UPP2: variants seen among roughly 807,000 people sequenced by gnomAD.
The protein encoded by UPP2 is UPase 2.
In UPP2, 23 loss-of-function variants were observed where a neutral mutation model predicts 26.7. That is an observed-to-expected ratio of 0.86 (90% CI 0.62 to 1.22). The LOEUF (loss-of-function observed/expected upper bound fraction) is 1.22, where lower values mean the gene tolerates loss of function less well. Ranked by LOEUF, UPP2 falls within the 50% of genes most tolerant of loss-of-function variation. The pLI is 0.00. For missense variants in UPP2, 387 were observed against 396.7 expected, an observed-to-expected ratio of 0.98 and a Z score of 0.21; for synonymous variants, 127 against 141.3, an observed-to-expected ratio of 0.90 and a Z score of 0.72.
intron 3 of UPP2, among the ~76,000 whole-genome samples, chr2:158,026,811 T>C (rs1683839690): frequency 6.6e-6 from 1 of 152,130 alleles, no homozygotes; most frequent in Non-Finnish European, 1.5e-5. Flanking sequence ...TGGACTTACA[T>C]TTCCACATGG....
At chr2:158,023,430 G>A (rs562247407) in intron 3 of UPP2, among the ~76,000 whole-genome samples, 2 of 152,312 alleles carry the variant, frequency 1.3e-5, no homozygotes, top group African/African-American at 4.8e-5. Context: ...TTCTCATAAA[G>A]AGCCTCCTCT....
chr2:158,058,061 A>G (rs1200854545), intron 3 of UPP2, among the ~76,000 whole-genome samples: 1 of 152,146 alleles, frequency 6.6e-6, no homozygotes, highest in Non-Finnish European at 1.5e-5. Flanking sequence ...TGGGAGGCCA[A>G]GGCGGGCGGA....
chr2:158,057,423 C>A (rs1001803023), intron 3 of UPP2, among the ~76,000 whole-genome samples: 1 of 152,162 alleles, frequency 6.6e-6, no homozygotes, highest in African/African-American at 2.4e-5. Context: ...ATCAGCATGA[C>A]CTCATGGATA....
At chr2:158,035,310 C>G (rs759535845) in intron 3 of UPP2, among the ~76,000 whole-genome samples, 2 of 152,062 alleles carry the variant, frequency 1.3e-5, no homozygotes, top group Admixed American at 6.6e-5. Context: ...GCATGCACCA[C>G]CACGCCCAGC....
Position 158,060,882 on chromosome 2 carries a change from C to T in UPP2, c.148-41158C>T, listed in dbSNP as rs532293619. 9.2e-5 allele frequency among the ~76,000 whole-genome samples: 14 copies of T among 152,302 alleles called. No individual in the cohort carries two copies. The South Asian group carries it at 2.7e-3, about 29-fold the overall frequency. On this transcript the variant is annotated intron_variant, in intron 3 of 9. Coordinates refer to the UPP2 transcript ENST00000605860. ...TGCTGACACCCTGATCTTCGACTTC[C>T]GGCCTTCGGAAATGTGAGAAATAAA...
At position 158,078,020 on chromosome 2, in the gene UPP2, C is replaced by T. The variant is rs887034452; in HGVS notation, c.148-24020C>T. ...AGAAGAGATACAAATAGCAAACAGGCATATGAAAAAATGCTCAACATCATT... is the reference window on the plus strand; with the variant it reads ...AGAAGAGATACAAATAGCAAACAGGTATATGAAAAAATGCTCAACATCATT... On this transcript the variant is annotated intron_variant, in intron 3 of 9. Coordinates refer to the UPP2 transcript ENST00000605860. Among the ~76,000 whole-genome samples the T allele has an allele frequency of 1.3e-4, 20 of 151,908 alleles. 1 individual carries two copies. The highest frequency in any genetic ancestry group is 9.2e-4 in the Admixed American group (14 of 15,210).
intron 2 of UPP2, among the ~76,000 whole-genome samples, chr2:158,011,970 A>C (rs1574244674): frequency 6.6e-6 from 1 of 152,192 alleles, no homozygotes; most frequent in East Asian, 1.9e-4. Context: ...ATGGCCGTAT[A>C]TGGTCTCCCC....
At chr2:157,998,975 G>A (rs1158843498) in intron 2 of UPP2, among the ~76,000 whole-genome samples, 1 of 152,060 alleles carries the variant, frequency 6.6e-6, no homozygotes, top group African/African-American at 2.4e-5. Flanking sequence ...TAGGCTGCAC[G>A]AGGTTGTCCC....
chr2:158,049,922 T>A (rs1260251612), intron 3 of UPP2, among the ~76,000 whole-genome samples: 2 of 152,250 alleles, frequency 1.3e-5, no homozygotes, highest in East Asian at 3.8e-4. Flanking sequence ...ATAGCTCTTA[T>A]GTGATTTCAC....
At chr2:158,070,000 C>G (rs756392549) in intron 3 of UPP2, among the ~76,000 whole-genome samples, 11 of 152,044 alleles carry the variant, frequency 7.2e-5, no homozygotes, top group Non-Finnish European at 1.6e-4. Flanking sequence ...GACCTAATCA[C>G]CCCCCAAAGG....
chr2:158,101,839 G>T (rs1173333461), upstream of UPP2: 52 of 1,322,800 alleles, frequency 3.9e-5, no homozygotes, highest in Non-Finnish European at 4.8e-5. Context: ...CTGGGCTGTG[G>T]TATAAAAGTC....
intron 2 of UPP2, among the ~76,000 whole-genome samples, chr2:158,013,262 C>T (rs1683608715): frequency 6.6e-6 from 1 of 152,314 alleles, no homozygotes; most frequent in African/African-American, 2.4e-5. Context: ...TCCCAAAGTG[C>T]TGGCATTACA....
chr2:158,123,641 G>A, intron 5 of UPP2, 108 bp from the exon 6 acceptor site: 1 of 1,342,776 alleles, frequency 7.4e-7, no homozygotes. Flanking sequence ...GGAGCACGCT[G>A]TAGAGTTAGA....
intron 4 of UPP2, among the ~76,000 whole-genome samples, chr2:158,120,084 A>G (rs765274725): frequency 1.2e-4 from 18 of 151,972 alleles, no homozygotes; most frequent in Non-Finnish European, 5.9e-5. Context: ...ATCAGTGGCC[A>G]CCTTGGGTCT....
intron 3 of UPP2, among the ~76,000 whole-genome samples, chr2:158,083,172 G>A (rs1461260088): frequency 1.3e-5 from 2 of 152,154 alleles, no homozygotes; most frequent in Non-Finnish European, 2.9e-5. Flanking sequence ...TCTAGAATCA[G>A]AAATACCATT....
intron 2 of UPP2, among the ~76,000 whole-genome samples, chr2:157,998,800 AAAAAT>A (rs563127974): frequency 2.0e-5 from 3 of 152,204 alleles, no homozygotes; most frequent in Non-Finnish European, 4.4e-5. Flanking sequence ...ACTCTGTCGC[AAAAAT>A]AAAATAAAAT....
intron 3 of UPP2, among the ~76,000 whole-genome samples, chr2:158,021,923 A>G (rs1468999939): frequency 6.6e-6 from 1 of 152,206 alleles, no homozygotes; most frequent in Non-Finnish European, 1.5e-5. Flanking sequence ...TTATCATTTC[A>G]AGTAATTAGA....
chr2:158,103,334 G>A (rs1011664566), intron 1 of UPP2, among the ~76,000 whole-genome samples: 2 of 152,190 alleles, frequency 1.3e-5, no homozygotes, highest in Non-Finnish European at 2.9e-5. Context: ...ATTAATATAA[G>A]TGAAAATAAT....
At chr2:158,098,103 G>A (rs1683015176), upstream of UPP2, among the ~76,000 whole-genome samples, 1 of 152,138 alleles carries the variant, frequency 6.6e-6, no homozygotes, top group Non-Finnish European at 1.5e-5. Flanking sequence ...GAGATTGCTA[G>A]AAACCAGAGA....
Sources: gnomAD v4.1 joint callset for allele counts (sites outside exome capture counted in the v4.1 genomes callset) on GRCh38, gnomAD v4.1.1 for gene constraint, MANE v1.5 for transcripts, NCBI Gene and HGNC (gene_info 2026-07-23, HGNC 2026-07-21) for gene names.